AGFG1: variants seen among roughly 807,000 people sequenced by gnomAD.
The protein encoded by AGFG1 is arf-GAP domain and FG repeat-containing protein 1.
AGFG1 carries 10 observed loss-of-function variants against 60.6 expected under a neutral mutation model. The observed-to-expected ratio is 0.16, with a 90% CI of 0.10 to 0.28. The LOEUF (loss-of-function observed/expected upper bound fraction) is 0.28, where lower values mean the gene tolerates loss of function less well. Among genes scored for constraint, AGFG1 ranks in the 10% least tolerant of loss-of-function variants. The pLI, the probability that AGFG1 is intolerant of heterozygous loss-of-function variation, is 1.00. For synonymous variants in AGFG1, 247 were observed against 242.9 expected (o/e 1.02, Z -0.16); for missense variants, 537 against 676.5 (o/e 0.79, Z 2.29).
At chr2:227,547,147 GCA>G (rs1178680206) in intron 10 of AGFG1, among the ~76,000 whole-genome samples, 1 of 152,142 alleles carries the variant, frequency 6.6e-6, no homozygotes, top group African/African-American at 2.4e-5. Flanking sequence ...TTAACATTAT[GCA>G]CTATTCCTTA....
chr2:227,506,123 C>T (rs988603251), intron 2 of AGFG1, among the ~76,000 whole-genome samples: 4 of 152,214 alleles, frequency 2.6e-5, no homozygotes, highest in African/African-American at 9.6e-5. Flanking sequence ...ATTGCAGAAT[C>T]TGTCGCTGTT....
At chr2:227,472,834 C>T (rs1200969830) in intron 1 of AGFG1, among the ~76,000 whole-genome samples, 2 of 134,000 alleles carry the variant, frequency 1.5e-5, no homozygotes, top group African/African-American at 5.5e-5. Context: ...TCTGGGCAGC[C>T]TTCGTGGGTG....
intron 2 of AGFG1, among the ~76,000 whole-genome samples, chr2:227,517,080 G>A (rs1167989544): frequency 6.6e-6 from 1 of 152,136 alleles, no homozygotes; most frequent in Non-Finnish European, 1.5e-5. Context: ...TCTCTTAAAG[G>A]TCTGTAGTAT....
At chr2:227,484,677 GTTTTT>G (rs34405103) in intron 1 of AGFG1, among the ~76,000 whole-genome samples, 3 of 115,908 alleles carry the variant, frequency 2.6e-5, no homozygotes, top group Non-Finnish European at 5.2e-5. Flanking sequence ...AGATCTCTTA[GTTTTT>G]TTTTTGTTTT....
At chr2:227,495,746 G>A (rs2106174461) in intron 2 of AGFG1, among the ~76,000 whole-genome samples, 1 of 152,078 alleles carries the variant, frequency 6.6e-6, no homozygotes, top group Non-Finnish European at 1.5e-5. Flanking sequence ...TTTGAAATAT[G>A]TATAGTTTAT....
At chr2:227,524,948 GA>G (rs1231709550) in intron 5 of AGFG1, 33 bp downstream of exon 5, 2 of 1,611,066 alleles carry the variant, frequency 1.2e-6, no homozygotes. Flanking sequence ...TTTTGCTGGG[GA>G]TGCATATAAA....
Position 227,542,462 on chromosome 2 carries a change from T to C in AGFG1, c.1378+5469T>C, listed in dbSNP as rs535587209. Among the ~76,000 whole-genome samples the C allele has an allele frequency of 2.0e-5, 3 of 152,332 alleles. No homozygotes were observed. In the East Asian group the frequency reaches 5.8e-4, roughly 29 times the overall value. On this transcript the variant is annotated intron_variant, in intron 10 of 12. Coordinates refer to ENST00000310078, the MANE Select transcript of AGFG1 (RefSeq NM_004504.5). ...TTCTGTGTATATGATGGATTATGTTTATTGATTTGCATATGTTGAACCAGC... is the reference window on the plus strand; with the variant it reads ...TTCTGTGTATATGATGGATTATGTTCATTGATTTGCATATGTTGAACCAGC...
chr2:227,526,829 C>T (rs1362806339), intron 5 of AGFG1, among the ~76,000 whole-genome samples: 1 of 152,164 alleles, frequency 6.6e-6, no homozygotes, highest in Non-Finnish European at 1.5e-5. Flanking sequence ...CAGGTGTGAG[C>T]CACTCTGCCC....
chr2:227,500,927 G>A (rs560083370), intron 2 of AGFG1, among the ~76,000 whole-genome samples: 36 of 152,106 alleles, frequency 2.4e-4, no homozygotes, highest in African/African-American at 8.7e-4. Context: ...TGAGTAGCTG[G>A]GATTACAGGC....
At chr2:227,501,792 C>T (rs76152836) in intron 2 of AGFG1, among the ~76,000 whole-genome samples, 8,241 of 152,128 alleles carry the variant, frequency 0.054, 295 homozygotes, top group African/African-American at 0.09. Flanking sequence ...TTCTGAGGCA[C>T]TGTTTTGTTT....
At chr2:227,525,015 T>C (rs1691949828) in intron 5 of AGFG1, 100 bp downstream of exon 5, 31 of 1,394,296 alleles carry the variant, frequency 2.2e-5, no homozygotes, top group African/African-American at 2.9e-5. Flanking sequence ...ACATTTTTTG[T>C]TGAAAATGTT....
intron 10 of AGFG1, among the ~76,000 whole-genome samples, chr2:227,548,412 G>A (rs1264026728): frequency 6.6e-6 from 1 of 152,176 alleles, no homozygotes; most frequent in East Asian, 1.9e-4. Context: ...AGCTTGGGGG[G>A]CATCTTTGTT....
chr2:227,480,662 C>A lies in AGFG1; in HGVS notation c.167+8074C>A, dbSNP rs550016501. 8.6e-5 allele frequency among the ~76,000 whole-genome samples: 13 copies of A among 151,744 alleles called. No homozygotes were observed. In the South Asian group the frequency reaches 1.5e-3, roughly 17 times the overall value. On this transcript the variant is annotated intron_variant, in intron 1 of 12. Transcript: ENST00000310078. ...GCTCTGGAAATGCTGCTGTCTAGGC[C>A]TGCTGTGCGGCTCTCATACCAGAAC...
chr2:227,531,630 A>T (rs776940154), intron 6 of AGFG1, among the ~76,000 whole-genome samples: 1 of 138,776 alleles, frequency 7.2e-6, no homozygotes, highest in Non-Finnish European at 1.5e-5. Flanking sequence ...GCTGGGTCTC[A>T]CTATGTTGCC....
At chr2:227,526,151 C>T (rs1177646537) in intron 5 of AGFG1, among the ~76,000 whole-genome samples, 1 of 152,064 alleles carries the variant, frequency 6.6e-6, no homozygotes, top group East Asian at 1.9e-4. Flanking sequence ...ATTAGCCCAC[C>T]TTAGGAGTAG....
chr2:227,482,670 A>G (rs1690503720), intron 1 of AGFG1, among the ~76,000 whole-genome samples: 2 of 152,248 alleles, frequency 1.3e-5, no homozygotes, highest in Admixed American at 6.5e-5. Context: ...TAATAAAACT[A>G]ACTAAATAAG....
intron 11 of AGFG1, 27 bp downstream of exon 11, chr2:227,552,144 A>G (rs1378543471): frequency 1.2e-6 from 2 of 1,613,558 alleles, no homozygotes; most frequent in East Asian, 2.2e-5. Context: ...GGCGAGCTGT[A>G]AGTTCATTTT....
At chr2:227,518,961 T>C (rs562728990) in intron 2 of AGFG1, among the ~76,000 whole-genome samples, 3 of 152,250 alleles carry the variant, frequency 2.0e-5, no homozygotes, top group African/African-American at 4.8e-5. Context: ...TCGCTTGAGC[T>C]CATGAGTTCG....
At chr2:227,489,896 A>C (rs1690751329) in intron 1 of AGFG1, among the ~76,000 whole-genome samples, 2 of 151,824 alleles carry the variant, frequency 1.3e-5, no homozygotes. Context: ...GCTCACTGCA[A>C]CCTCTGCCTC....
Sources: allele counts gnomAD v4.1 joint callset (sites outside exome capture counted in the v4.1 genomes callset), GRCh38; gene constraint gnomAD v4.1.1; transcripts MANE v1.5; gene names NCBI Gene and HGNC (gene_info 2026-07-23, HGNC 2026-07-21).